Variants in RAB3C observed in about 807,000 individuals in gnomAD.
RAB3C encodes RAB3C, member RAS oncogene family, also known as ras-related protein Rab-3C.
RAB3C carries 17 observed loss-of-function variants against 26.4 expected under a neutral mutation model. The observed-to-expected ratio is 0.64, with a 90% confidence interval of 0.44 to 0.97. The LOEUF (loss-of-function observed/expected upper bound fraction) is 0.97. Ranked by LOEUF, RAB3C falls within the 50% of genes least tolerant of loss-of-function variation. The pLI, the probability that RAB3C is intolerant of heterozygous loss-of-function variation, is 0.00. For missense variants in RAB3C, 242 were observed against 281.9 expected (o/e 0.86, Z 1.01); for synonymous variants, 91 against 95.9 (o/e 0.95, Z 0.30).
intron 3 of RAB3C, among the ~76,000 whole-genome samples, chr5:58,769,901 C>T (rs768296619): frequency 6.6e-6 from 1 of 152,000 alleles, no homozygotes; most frequent in African/African-American, 2.4e-5. Flanking sequence ...CATGCGAAAA[C>T]GTTCCTAAAC....
At chr5:58,596,832 A>C (rs1349837120) in intron 1 of RAB3C, among the ~76,000 whole-genome samples, 2 of 88,774 alleles carry the variant, frequency 2.3e-5, no homozygotes, top group Admixed American at 3.8e-4. Context: ...TATTATATAT[A>C]AATTTATAAT....
chr5:58,843,144 C>G (rs1369988235), intron 4 of RAB3C, among the ~76,000 whole-genome samples: 1 of 152,084 alleles, frequency 6.6e-6, no homozygotes, highest in Non-Finnish European at 1.5e-5. Context: ...TGCAAAAAGG[C>G]CTAGCGTAGT....
chr5:58,673,158 A>T (rs1421686110), intron 2 of RAB3C, among the ~76,000 whole-genome samples: 1 of 152,140 alleles, frequency 6.6e-6, no homozygotes, highest in East Asian at 1.9e-4. Context: ...TGCATGAAGA[A>T]ACCTATTTAG....
At chr5:58,704,240 G>T (rs1330326678) in intron 2 of RAB3C, among the ~76,000 whole-genome samples, 1 of 152,092 alleles carries the variant, frequency 6.6e-6, no homozygotes, top group African/African-American at 2.4e-5. Context: ...ACGCATTTTG[G>T]TGTGTGAAGA....
intron 3 of RAB3C, among the ~76,000 whole-genome samples, chr5:58,742,527 A>AT (rs2111949087): frequency 6.6e-6 from 1 of 152,326 alleles, no homozygotes; most frequent in South Asian, 2.1e-4. Flanking sequence ...GTTAAGTATA[A>AT]TAAAAACTAG....
At chr5:58,766,918 G>C (rs983631895) in intron 3 of RAB3C, among the ~76,000 whole-genome samples, 1 of 152,162 alleles carries the variant, frequency 6.6e-6, no homozygotes, top group Non-Finnish European at 1.5e-5. Flanking sequence ...TAAGTACCAC[G>C]AAGTTAGAGG....
chr5:58,807,940 A>G (rs1325576137), intron 3 of RAB3C, among the ~76,000 whole-genome samples: 1 of 152,170 alleles, frequency 6.6e-6, no homozygotes, highest in African/African-American at 2.4e-5. Context: ...TATTTGAAAT[A>G]ACTTGCCAGG....
intron 4 of RAB3C, among the ~76,000 whole-genome samples, chr5:58,839,119 G>A (rs956794731): frequency 1.3e-5 from 2 of 151,188 alleles, no homozygotes; most frequent in African/African-American, 2.4e-5. Context: ...GTTTTTTGTA[G>A]GTAGCATATA....
chr5:58,663,298 G>A (rs2111810217), intron 2 of RAB3C, among the ~76,000 whole-genome samples: 1 of 149,646 alleles, frequency 6.7e-6, no homozygotes, highest in East Asian at 1.9e-4. Flanking sequence ...ATAAGGCTTT[G>A]TTGACCACTG....
rs187933257 is a variant in RAB3C at position 58,725,422 on chromosome 5, A to G, written c.253-580A>G. 4.9e-4 allele frequency among the ~76,000 whole-genome samples: 74 copies of G among 151,910 alleles called. No individual in the cohort carries two copies. In the East Asian group the frequency reaches 8.9e-3, roughly 18 times the overall value. On this transcript the variant is annotated intron_variant, in intron 2 of 4. Transcript: ENST00000282878. The stretch of plus-strand genomic sequence containing the variant: ...CTTGGGGTAGTCTTATTTGGGTCAA[A>G]TCTGTTTGGTATTCCCTGACCTTGC...
intron 2 of RAB3C, among the ~76,000 whole-genome samples, chr5:58,640,040 A>G (rs1345099068): frequency 6.6e-6 from 1 of 152,190 alleles, no homozygotes; most frequent in Non-Finnish European, 1.5e-5. Flanking sequence ...CATAAAGGGA[A>G]TCTACTGCAC....
At chr5:58,762,130 T>C (rs1368915974) in intron 3 of RAB3C, among the ~76,000 whole-genome samples, 1 of 152,110 alleles carries the variant, frequency 6.6e-6, no homozygotes, top group Non-Finnish European at 1.5e-5. Flanking sequence ...CATTTCAACA[T>C]ATAATCAATA....
chr5:58,816,712 C>T lies in RAB3C; in HGVS notation c.372-8326C>T, dbSNP rs560829615. ...CCTGAAACCACCTATAGTGACAGGCCTAACTTGCTGAAAATACAGAGTGTA... is the reference window on the plus strand; with the variant it reads ...CCTGAAACCACCTATAGTGACAGGCTTAACTTGCTGAAAATACAGAGTGTA... On this transcript the variant is annotated intron_variant, in intron 3 of 4. Transcript: ENST00000282878. Among the ~76,000 whole-genome samples, 3 of 152,132 alleles carry T rather than the reference C, an allele frequency of 2.0e-5. No homozygotes were observed. In the South Asian group the frequency reaches 6.2e-4, roughly 32 times the overall value.
intron 3 of RAB3C, 129 bp from the exon 4 acceptor site, chr5:58,824,909 A>G (rs987575823): frequency 3.5e-5 from 22 of 620,104 alleles, no homozygotes; most frequent in Non-Finnish European, 4.4e-5. Context: ...TCTAAATGTC[A>G]GGCATTTGGA....
At chr5:58,663,840 G>C (rs1191444427) in intron 2 of RAB3C, among the ~76,000 whole-genome samples, 2 of 152,176 alleles carry the variant, frequency 1.3e-5, no homozygotes, top group African/African-American at 2.4e-5. Flanking sequence ...TTGGTGGCAG[G>C]AGTGTGAAAT....
intron 3 of RAB3C, chr5:58,823,099 AC>A: frequency 2.0e-6 from 1 of 490,844 alleles, no homozygotes; most frequent in South Asian, 1.7e-5. Context: ...CGCATGGGAA[AC>A]ACATCATGGG....
At chr5:58,648,177 A>G (rs1019469) in intron 2 of RAB3C, among the ~76,000 whole-genome samples, 82,964 of 152,022 alleles carry the variant, frequency 0.55, 24,292 homozygotes, top group African/African-American at 0.77. Flanking sequence ...GGAGAATTCT[A>G]CATCCTAAAG....
chr5:58,727,895 C>T (rs1362032902), intron 3 of RAB3C, among the ~76,000 whole-genome samples: 5 of 152,012 alleles, frequency 3.3e-5, no homozygotes, highest in Non-Finnish European at 7.4e-5. Flanking sequence ...AGACATACCA[C>T]GTAATGGTGC....
At chr5:58,841,814 A>G (rs921635065) in intron 4 of RAB3C, among the ~76,000 whole-genome samples, 7 of 152,174 alleles carry the variant, frequency 4.6e-5, no homozygotes, top group African/African-American at 1.7e-4. Flanking sequence ...ACACAGCCCT[A>G]TGGTGATTTC....
Sources: allele counts gnomAD v4.1 joint callset (sites outside exome capture counted in the v4.1 genomes callset), GRCh38; gene constraint gnomAD v4.1.1; transcripts MANE v1.5; gene names NCBI Gene and HGNC (gene_info 2026-07-23, HGNC 2026-07-21).